FBXO47: variants seen among roughly 807,000 people sequenced by gnomAD.
FBXO47 encodes the protein F-box only protein 47.
In FBXO47, 34 loss-of-function variants were observed where a neutral mutation model predicts 53.9. The observed-to-expected ratio is 0.63, with a 90% confidence interval of 0.48 to 0.84. The LOEUF is 0.84. Ranked by LOEUF, FBXO47 falls within the 40% of genes least tolerant of loss-of-function variation. The probability of loss-of-function intolerance (pLI) is 0.00; values close to 1 mark genes in which losing one functional copy is unlikely to be tolerated. For synonymous variants in FBXO47, 165 were observed against 181.6 expected, an observed-to-expected ratio of 0.91 and a Z score of 0.73; for missense variants, 485 against 541.3, an observed-to-expected ratio of 0.90 and a Z score of 1.03.
Position 38,938,589 on chromosome 17 carries a change from C to T in FBXO47, c.1227G>A (p.Leu409=), listed in dbSNP as rs746720913. 2 of 1,611,372 alleles carry T rather than the reference C, an allele frequency of 1.2e-6. No individual in the cohort carries two copies. Among genetic ancestry groups the T allele is most frequent in the African/African-American group, 2.7e-5 (2 of 74,848 alleles). The change falls in exon 10 of 11, where the codon CTG becomes CTA. Residue 409 remains leucine (L), a synonymous_variant. Transcript: ENST00000378079. The part of the protein sequence containing the change: ...NAFACVIMEM[L]QSIMSGDRDE... ...CCTACTCACCAGACATAATTGATTG[C>T]AGCATTTCCATTATAACACATGCAA... is the stretch of plus-strand genomic sequence containing the variant.
At chr17:38,965,829 G>A (rs1003488491) in intron 1 of FBXO47, among the ~76,000 whole-genome samples, 1 of 147,010 alleles carries the variant, frequency 6.8e-6, no homozygotes, top group African/African-American at 2.5e-5. Context: ...GTTGCAGTGA[G>A]CCGAGATCAC....
At chr17:38,945,923 G>GA (rs1470940477) in intron 6 of FBXO47, among the ~76,000 whole-genome samples, 5 of 115,462 alleles carry the variant, frequency 4.3e-5, no homozygotes. Flanking sequence ...GTGACAGAGC[G>GA]AGACTCTGGC....
chr17:38,949,197 A>G (rs904131933), intron 6 of FBXO47, among the ~76,000 whole-genome samples: 4 of 152,022 alleles, frequency 2.6e-5, no homozygotes, highest in South Asian at 2.1e-4. Flanking sequence ...CAGGCAGATC[A>G]CTTGAGCCCA....
At position 38,956,933 on chromosome 17, in the gene FBXO47, C is replaced by G. The variant is rs563649584; in HGVS notation, c.429+244G>C. 5.9e-5 allele frequency among the ~76,000 whole-genome samples: 9 copies of G among 152,154 alleles called. No homozygotes were observed. In the South Asian group the frequency reaches 1.7e-3, roughly 28 times the overall value. ...AAATATACTTTATACTCTGACAAAC[C>G]TAATAAACTTGAATGATGTGCTTAG... On this transcript the variant is annotated intron_variant, in intron 4 of 10. Coordinates refer to ENST00000378079, the MANE Select transcript of FBXO47 (RefSeq NM_001008777.3).
intron 9 of FBXO47, among the ~76,000 whole-genome samples, chr17:38,941,404 A>G (rs1031782238): frequency 6.6e-6 from 1 of 151,124 alleles, no homozygotes; most frequent in African/African-American, 2.4e-5. Context: ...TCCTGACCTC[A>G]GGTGATCCGC....
Position 38,962,974 on chromosome 17 carries a change from T to C in FBXO47, c.52A>G (p.Arg18Gly). Residue 18 changes from arginine to glycine, a missense_variant, in exon 2 of 11, where the codon AGA (arginine) becomes GGA (glycine). Transcript: ENST00000378079. ...NFTLIPNQKLRRSNRQTSCYS... is the reference protein window; with the variant it reads ...NFTLIPNQKLGRSNRQTSCYS... ...CAGCTGGTTTGACGATTACTACGTC[T>C]AAGTTTCTGGTTGGGAATCAAAGTG... The C allele has an allele frequency of 6.2e-7, 1 of 1,612,432 alleles. No individual in the cohort carries two copies. Among genetic ancestry groups the C allele is most frequent in the East Asian group, 2.2e-5 (1 of 44,858 alleles).
chr17:38,941,704 C>T (rs1050026398), intron 9 of FBXO47, among the ~76,000 whole-genome samples: 1 of 147,860 alleles, frequency 6.8e-6, no homozygotes. Context: ...GAGAGGGTCT[C>T]GTTCTGTTGC....
chr17:38,944,129 T>C (rs1444361076), intron 7 of FBXO47, among the ~76,000 whole-genome samples: 2 of 149,138 alleles, frequency 1.3e-5, no homozygotes, highest in African/African-American at 5.0e-5. Flanking sequence ...TTGCAGTGAG[T>C]GGAGATTGGG....
At position 38,945,935 on chromosome 17, in the gene FBXO47, CAA is replaced by C. The variant is rs34412322; in HGVS notation, c.617-801_617-800del. On this transcript the variant is annotated intron_variant, in intron 6 of 10. Transcript: ENST00000378079. The stretch of plus-strand genomic sequence containing the variant: ...TGGGTGACAGAGCGAGACTCTGGCT[CAA>C]AAAAAAAAAAAATATATATATATAT... Among the ~76,000 whole-genome samples, 482 of 94,582 alleles carry C rather than the reference CAA, an allele frequency of 5.1e-3. 4 individuals are homozygous for C. The highest frequency in any genetic ancestry group is 0.016 in the African/African-American group (346 of 21,468). The allele number at this position is 94,582 out of a possible 152,430, so 62.0% of individuals were successfully genotyped here.
intron 9 of FBXO47, among the ~76,000 whole-genome samples, chr17:38,939,461 T>G (rs1462516775): frequency 6.7e-6 from 1 of 148,450 alleles, no homozygotes; most frequent in African/African-American, 2.5e-5. Context: ...CATAAAGACA[T>G]GGCTCTATTT....
chr17:38,955,578 GAATTA>G (rs1480228148), intron 4 of FBXO47, among the ~76,000 whole-genome samples: 1 of 151,624 alleles, frequency 6.6e-6, no homozygotes, highest in African/African-American at 2.4e-5. Context: ...CAAGTAGCTG[GAATTA>G]CAGACACCAC....
intron 2 of FBXO47, among the ~76,000 whole-genome samples, chr17:38,962,469 G>A (rs1905858155): frequency 1.3e-5 from 2 of 151,900 alleles, no homozygotes; most frequent in African/African-American, 4.8e-5. Flanking sequence ...TACAAAATTA[G>A]CCTGGCATGG....
In FBXO47 at chr17:38,962,915, G is replaced by A. The variant is rs62075218; in HGVS notation, c.111C>T (p.Pro37=). 3 of 1,612,938 alleles carry A rather than the reference G, an allele frequency of 1.9e-6. No individual in the cohort carries two copies. Among genetic ancestry groups the A allele is most frequent in the South Asian group, 2.2e-5 (2 of 91,050 alleles). ...CTTTAAAATTTCCAAATGTTGATAT[G>A]GGTTGAAAGCCTGAGCCAAGGGTCT... The part of the protein sequence containing the change: ...YSKTLGSGFQ[P]ISTFGNFKAL... Residue 37 remains proline, a synonymous_variant, in exon 2 of 11, where the codon CCC becomes CCT. Coordinates refer to ENST00000378079, the MANE Select transcript of FBXO47 (RefSeq NM_001008777.3).
intron 1 of FBXO47, among the ~76,000 whole-genome samples, chr17:38,964,191 G>C (rs1905971763): frequency 6.6e-6 from 1 of 152,144 alleles, no homozygotes; most frequent in Non-Finnish European, 1.5e-5. Flanking sequence ...CGAGTGACGT[G>C]ACTCACCCAT....
At chr17:38,938,483 T>A in intron 10 of FBXO47, 90 bp downstream of exon 10, 1 of 922,830 alleles carries the variant, frequency 1.1e-6, no homozygotes, top group Non-Finnish European at 1.5e-6. Context: ...TTTTCCATTC[T>A]TGGACTGTTA....
chr17:38,959,488 G>A (rs1015070273), intron 3 of FBXO47, among the ~76,000 whole-genome samples: 1 of 146,694 alleles, frequency 6.8e-6, no homozygotes, highest in Non-Finnish European at 1.5e-5. Context: ...GCTGAGGCAT[G>A]AGAATCGCTT....
chr17:38,947,903 T>C (rs900818153), intron 6 of FBXO47, among the ~76,000 whole-genome samples: 4 of 152,086 alleles, frequency 2.6e-5, no homozygotes, highest in Non-Finnish European at 5.9e-5. Flanking sequence ...AGAGCCAGAA[T>C]CTGTCTCCAA....
rs9906595 is a variant in FBXO47 at position 38,945,127 on chromosome 17, T to C, written c.626A>G (p.Gln209Arg). The change falls in exon 7 of 11, where the codon CAA becomes CGA. Residue 209 changes from glutamine (Q) to arginine (R), a missense_variant. Transcript: ENST00000378079. ...GAGTCTGATTCTTAACTCCAGTTTTTGGGCACTTCCTATGAAGACAAAAGA... is the reference window on the plus strand; with the variant it reads ...GAGTCTGATTCTTAACTCCAGTTTTCGGGCACTTCCTATGAAGACAAAAGA... ...MAVCSKPGSA[Q>R]KLELRIRLFC... The C allele has an allele frequency of 0.93, 1,501,279 of 1,610,356 alleles. 700,455 individuals carry two copies. The highest frequency in any genetic ancestry group is 1 in the East Asian group (44,816 of 44,826).
chr17:38,964,213 A>G (rs552434262), intron 1 of FBXO47, among the ~76,000 whole-genome samples: 6 of 152,268 alleles, frequency 3.9e-5, no homozygotes, highest in African/African-American at 1.4e-4. Context: ...TAATCTCAGC[A>G]CTTTGGGAGG....
Sources: allele counts gnomAD v4.1 joint callset (sites outside exome capture counted in the v4.1 genomes callset), GRCh38; gene constraint gnomAD v4.1.1; transcripts MANE v1.5; gene names NCBI Gene and HGNC (gene_info 2026-07-23, HGNC 2026-07-21).